The following C2CD4A variants were observed in gnomAD, a reference collection of about 807,000 sequenced individuals.
The protein encoded by C2CD4A is C2 calcium-dependent domain-containing protein 4A.
C2CD4A carries 2 observed loss-of-function variants against 0.4 expected under a neutral mutation model. That is an observed-to-expected ratio of 4.45 (90% CI 1.82 to 13.99). The LOEUF (loss-of-function observed/expected upper bound fraction) is 13.99. Among genes scored for constraint, C2CD4A ranks in the 30% most tolerant of loss-of-function variants. The probability of loss-of-function intolerance (pLI) is 0.04; values close to 1 mark genes in which losing one functional copy is unlikely to be tolerated. For missense variants in C2CD4A, 610 were observed against 574.2 expected (o/e 1.06, Z -0.64); for synonymous variants, 297 against 280.8 (o/e 1.06, Z -0.58).
Position 62,067,687 on chromosome 15 carries a change from G to C in C2CD4A, c.74G>C (p.Arg25Pro), listed in dbSNP as rs766030119. The C allele has an allele frequency of 2.5e-6, 4 of 1,607,938 alleles. No homozygotes were observed. The South Asian group carries it at 3.3e-5, about 13-fold the overall frequency. Residue 25 changes from arginine (R) to proline (P), a missense_variant, in exon 2 of 2, where the codon CGG becomes CCG. Coordinates refer to ENST00000355522, the MANE Select transcript of C2CD4A (RefSeq NM_207322.3). ...RRSGDWLLPG[R>P]ARGAKSRTTA... is the part of the protein sequence containing the mutation. ...AGCGGAGACTGGCTTCTCCCGGGTC[G>C]GGCCCGCGGAGCCAAGTCTCGCACC... is the stretch of plus-strand genomic sequence containing the variant.
Position 62,068,457 on chromosome 15 carries a change from G to T in C2CD4A, c.844G>T (p.Gly282Ter). 2 of 1,426,292 alleles carry T rather than the reference G, an allele frequency of 1.4e-6. No homozygotes were observed. Among genetic ancestry groups the T allele is most frequent in the South Asian group, 3.0e-5 (2 of 67,788 alleles). 88.4% of individuals were successfully genotyped at this position (1,426,292 alleles called of 1,614,324 possible). A position where few individuals can be genotyped will look rare whatever the true frequency, so the allele number is the denominator to read the frequency against. ...GCTGCTCCGCGCCGAGAGCCCGGCC[G>T]GAGGCGCCCCCGGGCCCCGAGCCGT... ...LRLLRAESPA[G>*]GAPGPRAVSC... The change falls in exon 2 of 2, where the codon GGA becomes TGA. Residue 282 changes from glycine to a stop codon, truncating the protein, a stop_gained. Coordinates refer to ENST00000355522, the MANE Select transcript of C2CD4A (RefSeq NM_207322.3). LOFTEE classifies it low-confidence loss of function (END_TRUNC).
At position 62,068,944 on chromosome 15, in the gene C2CD4A, A is replaced by G. The variant is rs1397974745; in HGVS notation, c.*221A>G. On this transcript the variant is annotated 3_prime_UTR_variant, in exon 2 of 2. Coordinates refer to ENST00000355522, the MANE Select transcript of C2CD4A (RefSeq NM_207322.3). ...TGGAATGGTTCTACAGTGTTTCCCA[A>G]TATAGACAGCCATTTGCATACCATA... 5.7e-6 allele frequency: 3 copies of G among 528,926 alleles called. No individual in the cohort carries two copies. In the African/African-American group the frequency reaches 6.0e-5, roughly 11 times the overall value. The allele number at this position is 528,926 out of a possible 1,614,324, so 32.8% of individuals were successfully genotyped here. A position where few individuals can be genotyped will look rare whatever the true frequency, so the allele number is the denominator to read the frequency against.
rs907062072 is a variant in C2CD4A, at chr15:62,067,734, C to A, written c.121C>A (p.Leu41Ile). ...CACCACCGCCGCGTGCGCAAATGTGCTCACTCCGGACCGCATCCCTGAGTT... is the reference window on the plus strand; with the variant it reads ...CACCACCGCCGCGTGCGCAAATGTGATCACTCCGGACCGCATCCCTGAGTT... Reference protein sequence around the residue: ...SRTTAACANVLTPDRIPEFCI... With the variant: ...SRTTAACANVITPDRIPEFCI... Residue 41 changes from leucine (L) to isoleucine (I), a missense_variant, in exon 2 of 2, where the codon CTC becomes ATC. Transcript: ENST00000355522. 1 of 1,612,434 alleles carries A rather than the reference C, an allele frequency of 6.2e-7. No individual in the cohort carries two copies. Among genetic ancestry groups the A allele is most frequent in the African/African-American group, 1.3e-5 (1 of 74,936 alleles).
chr15:62,070,657 A>G lies in C2CD4A; in HGVS notation c.*1934A>G, dbSNP rs1334539140. The G allele has an allele frequency of 4.9e-6, 2 of 410,428 alleles. No homozygotes were observed. The allele number at this position is 410,428 out of a possible 1,614,324, so 25.4% of individuals were successfully genotyped here. On this transcript the variant is annotated 3_prime_UTR_variant, in exon 2 of 2. Transcript: ENST00000355522. Reference sequence around the variant, plus strand: ...TGATGACCATTGAACAAATGTGAAGAATACTGTGAATTCTATGACTTTATC... The same window carrying G: ...TGATGACCATTGAACAAATGTGAAGGATACTGTGAATTCTATGACTTTATC...
chr15:62,067,384 G>A (rs1192087239), intron 1 of C2CD4A, among the ~76,000 whole-genome samples: 1 of 152,242 alleles, frequency 6.6e-6, no homozygotes, highest in African/African-American at 2.4e-5. Flanking sequence ...TTACAACACA[G>A]TTGAGATAGG....
Position 62,068,581 on chromosome 15 carries a change from A to T in C2CD4A, c.968A>T (p.Asp323Val). 1 of 1,573,052 alleles carries T rather than the reference A, an allele frequency of 6.4e-7. No homozygotes were observed. ...GRSRKASFDQ[D>V]FCFDGLSEDE... is the part of the protein sequence containing the mutation. Reference sequence around the variant, plus strand: ...AGCCGCAAGGCCTCCTTTGACCAGGACTTCTGCTTCGACGGCCTCTCGGAG... The same window carrying T: ...AGCCGCAAGGCCTCCTTTGACCAGGTCTTCTGCTTCGACGGCCTCTCGGAG... The change falls in exon 2 of 2, where the codon GAC (aspartate) becomes GTC (valine). Residue 323 changes from aspartate (D) to valine (V), a missense_variant. Asp to Val is a radical substitution (Grantham distance 152, BLOSUM62 -3). Coordinates refer to ENST00000355522, the MANE Select transcript of C2CD4A (RefSeq NM_207322.3).
In C2CD4A at chr15:62,067,804, T is replaced by G; in HGVS notation, c.191T>G (p.Leu64Arg). The stretch of plus-strand genomic sequence containing the variant: ...ATGCCCCGCCTGGCCTTGGCTGCGC[T>G]CCGGAATTCTTGGGTCGAAGAAGCA... ...RLMPRLALAA[L>R]RNSWVEEAGM... is the part of the protein sequence containing the mutation. The change falls in exon 2 of 2, where the codon CTC becomes CGC. Residue 64 changes from leucine (L) to arginine (R), a missense_variant. Physicochemically the swap from Leu to Arg is moderately radical, Grantham distance 102. Coordinates refer to ENST00000355522, the MANE Select transcript of C2CD4A (RefSeq NM_207322.3). 1.9e-6 allele frequency: 3 copies of G among 1,612,170 alleles called. No homozygotes were observed. Among genetic ancestry groups the G allele is most frequent in the Non-Finnish European group, 1.7e-6 (2 of 1,179,842 alleles).
chr15:62,068,014 C>G lies in C2CD4A; in HGVS notation c.401C>G (p.Thr134Ser), dbSNP rs12911600. The G allele has an allele frequency of 1.5e-6, 2 of 1,294,290 alleles. No homozygotes were observed. Among genetic ancestry groups the G allele is most frequent in the Non-Finnish European group, 1.9e-6 (2 of 1,030,612 alleles). 80.2% of individuals were successfully genotyped at this position (1,294,290 alleles called of 1,614,324 possible). The change falls in exon 2 of 2, where the codon ACC becomes AGC. Residue 134 changes from threonine to serine, a missense_variant. Thr to Ser is a moderately conservative substitution (Grantham distance 58, BLOSUM62 1). Transcript: ENST00000355522. ...CCCGCGCCCCGGCCCCGGGCCCACA[C>G]CTACGGCGGCGGCGGCGGCCCGGAC... Reference protein sequence around the residue: ...GPPAPRPRAHTYGGGGGPDAL... With the variant: ...GPPAPRPRAHSYGGGGGPDAL...
chr15:62,068,373 G>T lies in C2CD4A; in HGVS notation c.760G>T (p.Gly254Cys). 3 of 1,361,478 alleles carry T rather than the reference G, an allele frequency of 2.2e-6. No homozygotes were observed. The highest frequency in any genetic ancestry group is 2.8e-6 in the Non-Finnish European group (3 of 1,062,418). 84.3% of individuals were successfully genotyped at this position (1,361,478 alleles called of 1,614,324 possible). A position where few individuals can be genotyped will look rare whatever the true frequency, so the allele number is the denominator to read the frequency against. Residue 254 changes from glycine to cysteine, a missense_variant, in exon 2 of 2, where the codon GGC becomes TGC. Coordinates refer to ENST00000355522, the MANE Select transcript of C2CD4A (RefSeq NM_207322.3). ...AEGTVALGRA[G>C]DALRLAAEYC... ...GGGCACCGTGGCTCTGGGCCGCGCC[G>T]GCGACGCCCTGCGCCTGGCCGCCGA... is the stretch of plus-strand genomic sequence containing the variant.
At position 62,068,098 on chromosome 15, in the gene C2CD4A, C is replaced by T. The variant is rs1471038090; in HGVS notation, c.485C>T (p.Pro162Leu). Residue 162 changes from proline to leucine, a missense_variant, in exon 2 of 2, where the codon CCC becomes CTC. Transcript: ENST00000355522. ...CCGGGCCCGGCGACCCCCGCGGCCC[C>T]CGGCTGTCCCCGCCCGCCCCAGGAC... ...RAPGPATPAA[P>L]GCPRPPQDAL... is the part of the protein sequence containing the mutation. The T allele has an allele frequency of 8.8e-7, 1 of 1,141,118 alleles. No individual in the cohort carries two copies. 70.7% of individuals were successfully genotyped at this position (1,141,118 alleles called of 1,614,324 possible).
chr15:62,068,224 T>A lies in C2CD4A; in HGVS notation c.611T>A (p.Val204Asp), dbSNP rs1171874330. 6.6e-6 allele frequency: 9 copies of A among 1,372,694 alleles called. No individual in the cohort carries two copies. The highest frequency in any genetic ancestry group is 7.5e-6 in the Non-Finnish European group (8 of 1,061,722). 85.0% of individuals were successfully genotyped at this position (1,372,694 alleles called of 1,614,324 possible). Reference protein sequence around the residue: ...RAGRSRRLTRVRSVSSGNEDK... With the variant: ...RAGRSRRLTRDRSVSSGNEDK... ...GGGAGGAGTCGCCGCCTGACCCGCG[T>A]CCGCTCCGTCTCCAGCGGGAACGAG... The change falls in exon 2 of 2, where the codon GTC (valine) becomes GAC (aspartate). Residue 204 changes from valine (V) to aspartate (D), a missense_variant. Coordinates refer to ENST00000355522, the MANE Select transcript of C2CD4A (RefSeq NM_207322.3).
Position 62,067,686 on chromosome 15 carries a change from C to T in C2CD4A, c.73C>T (p.Arg25Trp), listed in dbSNP as rs762540690. 2 of 1,607,784 alleles carry T rather than the reference C, an allele frequency of 1.2e-6. No individual in the cohort carries two copies. Among genetic ancestry groups the T allele is most frequent in the African/African-American group, 1.3e-5 (1 of 74,924 alleles). ...GAGCGGAGACTGGCTTCTCCCGGGT[C>T]GGGCCCGCGGAGCCAAGTCTCGCAC... ...RRSGDWLLPG[R>W]ARGAKSRTTA... Residue 25 changes from arginine (R) to tryptophan (W), a missense_variant, in exon 2 of 2, where the codon CGG becomes TGG. Coordinates refer to ENST00000355522, the MANE Select transcript of C2CD4A (RefSeq NM_207322.3).
rs919498927 is a variant in C2CD4A at position 62,069,606 on chromosome 15, T to G, written c.*883T>G. ...TGCAAATAATAATAATAATAATAAA[T>G]AGTTTTACAAGCGTTAATTTATGTT... is the stretch of plus-strand genomic sequence containing the variant. On this transcript the variant is annotated 3_prime_UTR_variant, in exon 2 of 2. Coordinates refer to ENST00000355522, the MANE Select transcript of C2CD4A (RefSeq NM_207322.3). 6.7e-6 allele frequency: 1 copy of G among 150,220 alleles called. No individual in the cohort carries two copies. Among genetic ancestry groups the G allele is most frequent in the Non-Finnish European group, 1.6e-5 (1 of 62,382 alleles). 9.3% of individuals were successfully genotyped at this position (150,220 alleles called of 1,614,324 possible). A position where few individuals can be genotyped will look rare whatever the true frequency, so the allele number is the denominator to read the frequency against.
Position 62,068,148 on chromosome 15 carries a change from T to A in C2CD4A, c.535T>A (p.Cys179Ser). Residue 179 changes from cysteine (C) to serine (S), a missense_variant, in exon 2 of 2, where the codon TGC becomes AGC. Physicochemically the swap from Cys to Ser is moderately radical, Grantham distance 112. Transcript: ENST00000355522. ...QDALARRPRGCRLLRVPDGLL... is the reference protein window; with the variant it reads ...QDALARRPRGSRLLRVPDGLL... ...CGCGCTCGCCCGGCGGCCCCGCGGC[T>A]GCCGCCTCCTGCGCGTCCCCGACGG... 1 of 1,214,094 alleles carries A rather than the reference T, an allele frequency of 8.2e-7. No homozygotes were observed. The highest frequency in any genetic ancestry group is 1.0e-6 in the Non-Finnish European group (1 of 978,618). The allele number at this position is 1,214,094 out of a possible 1,614,324, so 75.2% of individuals were successfully genotyped here.
At position 62,068,529 on chromosome 15, in the gene C2CD4A, C is replaced by T. The variant is rs1399292479; in HGVS notation, c.916C>T (p.Arg306Trp). 2 of 1,533,102 alleles carry T rather than the reference C, an allele frequency of 1.3e-6. No individual in the cohort carries two copies. The highest frequency in any genetic ancestry group is 1.8e-6 in the Non-Finnish European group (2 of 1,141,230). The allele number at this position is 1,533,102 out of a possible 1,614,324, so 95.0% of individuals were successfully genotyped here. A position where few individuals can be genotyped will look rare whatever the true frequency, so the allele number is the denominator to read the frequency against. ...LVLRPPGTALRQCSTVVGRSR... is the reference protein window; with the variant it reads ...LVLRPPGTALWQCSTVVGRSR... ...CCTGCGGCCGCCGGGCACCGCGCTT[C>T]GGCAATGCAGCACTGTGGTGGGGCG... Residue 306 changes from arginine to tryptophan, a missense_variant, in exon 2 of 2, where the codon CGG becomes TGG. Transcript: ENST00000355522.
intron 1 of C2CD4A, 75 bp from the exon 2 acceptor site, chr15:62,067,510 T>C: frequency 1.6e-6 from 2 of 1,243,438 alleles, no homozygotes; most frequent in South Asian, 1.5e-5. Context: ...AAAGTATTAA[T>C]AGGAGAAAAG....
At position 62,068,423 on chromosome 15, in the gene C2CD4A, C is replaced by T. The variant is rs1213878790; in HGVS notation, c.810C>T (p.Leu270=). Residue 270 remains leucine, a synonymous_variant, in exon 2 of 2, where the codon CTC becomes CTT. Coordinates refer to ENST00000355522, the MANE Select transcript of C2CD4A (RefSeq NM_207322.3). The part of the protein sequence containing the change: ...AAEYCPGTGR[L]RLRLLRAESP... The stretch of plus-strand genomic sequence containing the variant: ...AGTACTGTCCGGGAACCGGGCGGCT[C>T]CGCCTCCGGCTGCTCCGCGCCGAGA... The T allele has an allele frequency of 7.1e-7, 1 of 1,399,272 alleles. No individual in the cohort carries two copies. Among genetic ancestry groups the T allele is most frequent in the Non-Finnish European group, 9.2e-7 (1 of 1,086,590 alleles). 86.7% of individuals were successfully genotyped at this position (1,399,272 alleles called of 1,614,324 possible).
At position 62,068,354 on chromosome 15, in the gene C2CD4A, C is replaced by T. The variant is rs1440390900; in HGVS notation, c.741C>T (p.Thr247=). The part of the protein sequence containing the change: ...PFPERLEAEG[T]VALGRAGDAL... The stretch of plus-strand genomic sequence containing the variant: ...CCGAGCGCCTGGAGGCCGAGGGCAC[C>T]GTGGCTCTGGGCCGCGCCGGCGACG... Residue 247 remains threonine (T), a synonymous_variant, in exon 2 of 2, where the codon ACC becomes ACT. Transcript: ENST00000355522. 5 of 1,400,020 alleles carry T rather than the reference C, an allele frequency of 3.6e-6. No homozygotes were observed. In the East Asian group the frequency reaches 9.4e-5, roughly 26 times the overall value. 86.7% of individuals were successfully genotyped at this position (1,400,020 alleles called of 1,614,324 possible). A position where few individuals can be genotyped will look rare whatever the true frequency, so the allele number is the denominator to read the frequency against.
Position 62,070,554 on chromosome 15 carries a change from ATAT to A in C2CD4A, c.*1835_*1837del, listed in dbSNP as rs2049076655. ...TTTAGAAAAGAGTTTGATAAAATAA[ATAT>A]TATACAAAATTCGAAGAAAAAAGAA... On this transcript the variant is annotated 3_prime_UTR_variant, in exon 2 of 2. Transcript: ENST00000355522. 2.4e-6 allele frequency: 1 copy of A among 413,536 alleles called. No individual in the cohort carries two copies. The highest frequency in any genetic ancestry group is 4.4e-5 in the Admixed American group (1 of 22,746). 25.6% of individuals were successfully genotyped at this position (413,536 alleles called of 1,614,324 possible).
Sources: allele counts gnomAD v4.1 joint callset (sites outside exome capture counted in the v4.1 genomes callset), GRCh38; gene constraint gnomAD v4.1.1; transcripts MANE v1.5; gene names NCBI Gene and HGNC (gene_info 2026-07-23, HGNC 2026-07-21).